The following ZBTB20 variants were observed in gnomAD, a reference collection of about 807,000 sequenced individuals.
ZBTB20 encodes zinc finger and BTB domain containing 20.
ZBTB20 carries 9 observed loss-of-function variants against 56.9 expected under a neutral mutation model. The ratio of observed to expected loss-of-function variants is 0.16; its 90% confidence interval spans 0.10 to 0.28. The LOEUF (loss-of-function observed/expected upper bound fraction) is 0.28, where lower values mean the gene tolerates loss of function less well. ZBTB20 is among the 10% of genes least tolerant of loss of function. ZBTB20 has a pLI of 1.00. For missense variants in ZBTB20, 655 were observed against 1,003.0 expected (o/e 0.65, Z 4.69); for synonymous variants, 417 against 420.7 (o/e 0.99, Z 0.11).
At chr3:114,651,542 T>C (rs1327671669) in intron 6 of ZBTB20, among the ~76,000 whole-genome samples, 1 of 137,000 alleles carries the variant, frequency 7.3e-6, no homozygotes, top group Non-Finnish European at 1.5e-5. Flanking sequence ...AAACCCTTGG[T>C]TGGATAGTAA....
At chr3:114,529,456 A>G (rs1321810204) in intron 6 of ZBTB20, 2 of 152,194 alleles carry the variant, frequency 1.3e-5, no homozygotes, top group African/African-American at 4.8e-5. Flanking sequence ...TAAAGCAGAA[A>G]TTTGTTCTCT....
At chr3:114,446,840 A>AAAAAGTCTTT (rs1484715965) in intron 7 of ZBTB20, among the ~76,000 whole-genome samples, 1 of 152,128 alleles carries the variant, frequency 6.6e-6, no homozygotes, top group Non-Finnish European at 1.5e-5. Context: ...TAAAAATGCT[A>AAAAAGTCTTT]TTTCTTTTGG....
chr3:114,404,936 G>A (rs998925033), intron 7 of ZBTB20, among the ~76,000 whole-genome samples: 4 of 152,090 alleles, frequency 2.6e-5, no homozygotes, highest in Non-Finnish European at 5.9e-5. Context: ...AGCTTAGTTT[G>A]ACCCAACTTA....
At chr3:114,603,085 C>G (rs2056883075) in intron 6 of ZBTB20, among the ~76,000 whole-genome samples, 1 of 151,962 alleles carries the variant, frequency 6.6e-6, no homozygotes, top group Non-Finnish European at 1.5e-5. Context: ...GAATTTGTAC[C>G]AATAAATAAT....
At chr3:114,802,431 G>A (rs538171709) in intron 4 of ZBTB20, among the ~76,000 whole-genome samples, 8 of 151,818 alleles carry the variant, frequency 5.3e-5, no homozygotes, top group South Asian at 2.1e-4. Context: ...GATTTTAAGC[G>A]TAAACATGCT....
intron 6 of ZBTB20, among the ~76,000 whole-genome samples, chr3:114,554,316 A>G (rs756181333): frequency 2.0e-5 from 3 of 152,200 alleles, no homozygotes; most frequent in Non-Finnish European, 4.4e-5. Flanking sequence ...GAGATGAGGT[A>G]ATATATAATC....
chr3:115,066,055 C>G (rs1276775166), intron 2 of ZBTB20, among the ~76,000 whole-genome samples: 1 of 152,134 alleles, frequency 6.6e-6, no homozygotes, highest in Non-Finnish European at 1.5e-5. Flanking sequence ...TCAATACTCT[C>G]CCATGAAACT....
intron 2 of ZBTB20, among the ~76,000 whole-genome samples, chr3:115,029,802 C>G (rs1447853713): frequency 6.6e-6 from 1 of 150,758 alleles, no homozygotes; most frequent in Non-Finnish European, 1.5e-5. Context: ...GAAGCAAATA[C>G]AGAAGAATTT....
intron 5 of ZBTB20, among the ~76,000 whole-genome samples, chr3:114,796,762 A>G (rs759302745): frequency 2.0e-5 from 3 of 151,980 alleles, no homozygotes; most frequent in Non-Finnish European, 4.4e-5. Context: ...TTTTAAGTAG[A>G]AGAATAAATT....
intron 7 of ZBTB20, among the ~76,000 whole-genome samples, chr3:114,463,499 G>A (rs946563288): frequency 6.6e-5 from 10 of 152,142 alleles, no homozygotes; most frequent in East Asian, 3.9e-4. Context: ...AATTTACAAT[G>A]TTTCCATTCT....
intron 3 of ZBTB20, among the ~76,000 whole-genome samples, chr3:114,935,916 C>T (rs1408094972): frequency 6.6e-6 from 1 of 152,132 alleles, no homozygotes; most frequent in African/African-American, 2.4e-5. Context: ...TTATAATTGC[C>T]TACCAGATCA....
intron 10 of ZBTB20, among the ~76,000 whole-genome samples, chr3:114,377,797 TCA>T (rs1298040063): frequency 6.6e-6 from 1 of 152,170 alleles, no homozygotes; most frequent in East Asian, 1.9e-4. Context: ...GTCAATTTTC[TCA>T]GTTTTCTCAT....
chr3:114,315,702 G>A lies in ZBTB20; in HGVS notation c.*23303C>T, dbSNP rs2078657289. 1 of 137,458 alleles carries A rather than the reference G, an allele frequency of 7.3e-6. No homozygotes were observed. Among genetic ancestry groups the A allele is most frequent in the Non-Finnish European group, 1.6e-5 (1 of 64,254 alleles). 8.5% of individuals were successfully genotyped at this position (137,458 alleles called of 1,614,324 possible). ...TCTGTGCAGGGAAAAAGGTTTCTTC[G>A]AATCTTATCACAACACTGCGGCGGG... On this transcript the variant is annotated 3_prime_UTR_variant, in exon 12 of 12. Coordinates refer to ENST00000675478, the MANE Select transcript of ZBTB20 (RefSeq NM_001348800.3).
chr3:114,376,526 T>G (rs970300303), intron 10 of ZBTB20, among the ~76,000 whole-genome samples: 8 of 152,160 alleles, frequency 5.3e-5, no homozygotes, highest in Non-Finnish European at 1.2e-4. Context: ...TCACACAGAC[T>G]TGGGCGGGTG....
At chr3:115,120,796 A>G (rs1219216204) in intron 1 of ZBTB20, among the ~76,000 whole-genome samples, 1 of 152,094 alleles carries the variant, frequency 6.6e-6, no homozygotes, top group African/African-American at 2.4e-5. Context: ...TTGGCACCAT[A>G]GAACATGTTT....
At chr3:115,023,536 C>T (rs566575701) in intron 2 of ZBTB20, among the ~76,000 whole-genome samples, 6 of 150,852 alleles carry the variant, frequency 4.0e-5, no homozygotes, top group Non-Finnish European at 7.4e-5. Flanking sequence ...GTCATCTTTC[C>T]GTCTTGATTG....
At chr3:114,443,277 A>G (rs558810379) in intron 7 of ZBTB20, among the ~76,000 whole-genome samples, 4 of 152,316 alleles carry the variant, frequency 2.6e-5, no homozygotes, top group Non-Finnish European at 5.9e-5. Flanking sequence ...CCTGCTCTCC[A>G]AAGTGAAAGT....
At chr3:114,871,706 T>TG (rs1418089218) in intron 4 of ZBTB20, among the ~76,000 whole-genome samples, 4 of 152,288 alleles carry the variant, frequency 2.6e-5, no homozygotes, top group South Asian at 2.1e-4. Context: ...ATCCAGATGT[T>TG]CTTTCTGACA....
chr3:115,079,630 G>A (rs2082724992), intron 1 of ZBTB20, among the ~76,000 whole-genome samples: 1 of 152,114 alleles, frequency 6.6e-6, no homozygotes, highest in Non-Finnish European at 1.5e-5. Context: ...CTGACCTCAA[G>A]TGATCCACCC....
Sources: gnomAD v4.1 joint callset for allele counts (sites outside exome capture counted in the v4.1 genomes callset) on GRCh38, gnomAD v4.1.1 for gene constraint, MANE v1.5 for transcripts, NCBI Gene and HGNC (gene_info 2026-07-23, HGNC 2026-07-21) for gene names.